The following FRMD5 variants were observed in gnomAD, a reference collection of about 807,000 sequenced individuals.
The protein encoded by FRMD5 is FERM domain containing 5.
A neutral mutation model predicts 69.0 loss-of-function variants in FRMD5; 20 were observed. That is an observed-to-expected ratio of 0.29 (90% confidence interval 0.20 to 0.42). The LOEUF is 0.42. Among genes scored for constraint, FRMD5 ranks in the 10% least tolerant of loss-of-function variants. The probability of loss-of-function intolerance (pLI) is 1.00; values close to 1 mark genes in which losing one functional copy is unlikely to be tolerated. For synonymous variants in FRMD5, 271 were observed against 260.1 expected (o/e 1.04, Z -0.40); for missense variants, 595 against 708.6 (o/e 0.84, Z 1.82).
At chr15:44,073,829 G>A (rs932982191) in intron 1 of FRMD5, among the ~76,000 whole-genome samples, 1 of 152,110 alleles carries the variant, frequency 6.6e-6, no homozygotes, top group Non-Finnish European at 1.5e-5. Flanking sequence ...ATAGAATTTT[G>A]CAGCTTACGA....
chr15:44,130,189 T>C (rs887440172), intron 1 of FRMD5, among the ~76,000 whole-genome samples: 1 of 152,196 alleles, frequency 6.6e-6, no homozygotes, highest in African/African-American at 2.4e-5. Flanking sequence ...GTCACCATTA[T>C]CACATCTATT....
intron 1 of FRMD5, among the ~76,000 whole-genome samples, chr15:44,172,940 G>A (rs896505065): frequency 6.6e-6 from 1 of 152,140 alleles, no homozygotes; most frequent in African/African-American, 2.4e-5. Flanking sequence ...TGTCTCCTGT[G>A]TCTGCAGTTA....
intron 1 of FRMD5, among the ~76,000 whole-genome samples, chr15:44,027,419 A>AGG (rs1891475298): frequency 6.6e-6 from 1 of 152,202 alleles, no homozygotes; most frequent in South Asian, 2.1e-4. Flanking sequence ...GAATTAAGTC[A>AGG]GCTTTGCTGC....
chr15:43,952,000 CTGTGTG>C (rs367759637), intron 1 of FRMD5, among the ~76,000 whole-genome samples: 1,855 of 123,722 alleles, frequency 0.015, 17 homozygotes, highest in South Asian at 0.026. Context: ...GTGTGTGTGT[CTGTGTG>C]TGTGTGTGTG....
chr15:43,959,890 C>T lies in FRMD5; in HGVS notation c.103-35581G>A, dbSNP rs144814848. Among the ~76,000 whole-genome samples the T allele has an allele frequency of 2.4e-4, 37 of 152,216 alleles. No homozygotes were observed. In the East Asian group the frequency reaches 6.6e-3, roughly 27 times the overall value. ...AAAGGGCAAGTTATTTGCATCCACA[C>T]GCTAAATTTTCTCAGTAAAATGATG... On this transcript the variant is annotated intron_variant, in intron 1 of 13. Coordinates refer to ENST00000417257, the MANE Select transcript of FRMD5 (RefSeq NM_032892.5).
intron 1 of FRMD5, among the ~76,000 whole-genome samples, chr15:44,126,834 A>G (rs766271525): frequency 7.2e-5 from 11 of 152,018 alleles, no homozygotes; most frequent in Non-Finnish European, 1.5e-4. Context: ...AGTCTCCTTC[A>G]TAAAAACTTT....
At chr15:43,904,223 A>G (rs1271995559) in intron 6 of FRMD5, among the ~76,000 whole-genome samples, 1 of 152,174 alleles carries the variant, frequency 6.6e-6, no homozygotes, top group Non-Finnish European at 1.5e-5. Flanking sequence ...CGGGGAAGGA[A>G]CAAGTTGAAG....
chr15:44,140,433 T>A (rs1326652075), intron 1 of FRMD5, among the ~76,000 whole-genome samples: 1 of 152,044 alleles, frequency 6.6e-6, no homozygotes, highest in Non-Finnish European at 1.5e-5. Flanking sequence ...GTCAAGAAGA[T>A]AATAAAGATA....
chr15:43,888,088 A>C, intron 10 of FRMD5, 87 bp downstream of exon 10: 1 of 1,031,288 alleles, frequency 9.7e-7, no homozygotes, highest in Non-Finnish European at 1.5e-6. Flanking sequence ...ACCCCGCCCC[A>C]AGTTCCTGGG....
At chr15:43,914,347 A>G (rs1193271799) in intron 4 of FRMD5, among the ~76,000 whole-genome samples, 2 of 152,030 alleles carry the variant, frequency 1.3e-5, no homozygotes, top group Non-Finnish European at 2.9e-5. Flanking sequence ...CTTTTTCCTG[A>G]CTATAATTAT....
At chr15:44,004,762 G>C (rs1461522387) in intron 1 of FRMD5, among the ~76,000 whole-genome samples, 1 of 152,190 alleles carries the variant, frequency 6.6e-6, no homozygotes, top group African/African-American at 2.4e-5. Context: ...AAGAGGAAAA[G>C]TCACATGTCT....
chr15:44,148,416 C>T lies in FRMD5; in HGVS notation c.102+46537G>A, dbSNP rs564023556. ...CCTCCCGAGTAGCTGGGACTACAGGCGCCCGCCACAACGCCCGGCTAATTT... is the reference window on the plus strand; with the variant it reads ...CCTCCCGAGTAGCTGGGACTACAGGTGCCCGCCACAACGCCCGGCTAATTT... On this transcript the variant is annotated intron_variant, in intron 1 of 13. Coordinates refer to ENST00000417257, the MANE Select transcript of FRMD5 (RefSeq NM_032892.5). 1.6e-3 allele frequency among the ~76,000 whole-genome samples: 240 copies of T among 151,852 alleles called. 1 individual carries two copies. Among genetic ancestry groups the T allele is most frequent in the African/African-American group, 5.4e-3 (223 of 41,508 alleles).
At chr15:44,081,763 C>T (rs1410716054) in intron 1 of FRMD5, among the ~76,000 whole-genome samples, 1 of 152,006 alleles carries the variant, frequency 6.6e-6, no homozygotes, top group African/African-American at 2.4e-5. Flanking sequence ...ATTTAAAAAT[C>T]TACCCATTTT....
chr15:43,942,020 C>A (rs544227971), intron 1 of FRMD5, among the ~76,000 whole-genome samples: 33 of 152,262 alleles, frequency 2.2e-4, no homozygotes, highest in Middle Eastern at 3.4e-3. Context: ...TAAGTTGAAT[C>A]CCCAAAGCTT....
At chr15:43,977,796 T>G (rs1177706116) in intron 1 of FRMD5, among the ~76,000 whole-genome samples, 2 of 152,190 alleles carry the variant, frequency 1.3e-5, no homozygotes, top group African/African-American at 4.8e-5. Flanking sequence ...GGCCTCCCTC[T>G]TCTACAGTGA....
intron 1 of FRMD5, among the ~76,000 whole-genome samples, chr15:44,012,761 G>GTTTTTTTT (rs35690752): frequency 8.3e-6 from 1 of 120,844 alleles, no homozygotes; most frequent in Non-Finnish European, 1.7e-5. Flanking sequence ...AAGTTATTGG[G>GTTTTTTTT]TTTTTTTTTT....
intron 1 of FRMD5, among the ~76,000 whole-genome samples, chr15:44,036,805 A>T (rs1344064682): frequency 6.6e-6 from 1 of 152,176 alleles, no homozygotes; most frequent in East Asian, 1.9e-4. Context: ...GTGGTAAAGA[A>T]GCAGTGCTGG....
intron 1 of FRMD5, among the ~76,000 whole-genome samples, chr15:44,148,690 AT>A (rs1488144492): frequency 2.6e-5 from 4 of 152,314 alleles, no homozygotes; most frequent in African/African-American, 7.2e-5. Context: ...GCAATAAAAT[AT>A]TTTAATTACA....
At chr15:44,164,856 C>T (rs1403246766) in intron 1 of FRMD5, among the ~76,000 whole-genome samples, 7 of 152,308 alleles carry the variant, frequency 4.6e-5, no homozygotes, top group Non-Finnish European at 8.8e-5. Context: ...ATGAAGTGCA[C>T]AGGGGCAGAT....
Sources: gnomAD v4.1 joint callset for allele counts (sites outside exome capture counted in the v4.1 genomes callset) on GRCh38, gnomAD v4.1.1 for gene constraint, MANE v1.5 for transcripts, NCBI Gene and HGNC (gene_info 2026-07-23, HGNC 2026-07-21) for gene names.